Variants in DGKH observed in about 807,000 individuals in gnomAD.
DGKH encodes DAG kinase eta.
A neutral mutation model predicts 159.3 loss-of-function variants in DGKH; 90 were observed. The observed-to-expected ratio is 0.57, with a 90% CI of 0.48 to 0.67. The LOEUF (loss-of-function observed/expected upper bound fraction) is 0.67, where lower values mean the gene tolerates loss of function less well. Ranked by LOEUF, DGKH falls within the 30% of genes least tolerant of loss-of-function variation. The pLI is 0.00. For synonymous variants in DGKH, 536 were observed against 553.8 expected (o/e 0.97, Z 0.45); for missense variants, 1,181 against 1,506.1 (o/e 0.78, Z 3.57).
intron 6 of DGKH, 65 bp from the exon 7 acceptor site, chr13:42,159,946 C>G: frequency 6.2e-7 from 1 of 1,610,676 alleles, no homozygotes; most frequent in Non-Finnish European, 8.5e-7. Context: ...GATTCAAAAT[C>G]TCCCCTGGGG....
intron 23 of DGKH, 78 bp downstream of exon 23, chr13:42,209,543 G>T: frequency 7.2e-7 from 1 of 1,398,218 alleles, no homozygotes; most frequent in Non-Finnish European, 9.5e-7. Context: ...AATAGAAAAT[G>T]AAAACATTTA....
At chr13:42,112,141 G>C (rs1405650073) in intron 1 of DGKH, among the ~76,000 whole-genome samples, 1 of 152,116 alleles carries the variant, frequency 6.6e-6, no homozygotes, top group Non-Finnish European at 1.5e-5. Context: ...TACTTCTAGT[G>C]AAATTAAAAA....
At chr13:42,141,842 G>T (rs954189943) in intron 3 of DGKH, among the ~76,000 whole-genome samples, 2 of 151,874 alleles carry the variant, frequency 1.3e-5, no homozygotes, top group East Asian at 1.9e-4. Flanking sequence ...CCATTCTGTA[G>T]GTTGCCTGTT....
At chr13:42,157,486 T>C (rs1000896779) in intron 5 of DGKH, among the ~76,000 whole-genome samples, 1 of 152,202 alleles carries the variant, frequency 6.6e-6, no homozygotes, top group South Asian at 2.1e-4. Flanking sequence ...TAAAAGTCTT[T>C]AAATAAATTT....
rs963565665 is a variant in DGKH at position 42,116,558 on chromosome 13, G to A, written c.193-10905G>A. On this transcript the variant is annotated intron_variant, in intron 1 of 29. Coordinates refer to ENST00000337343, the MANE Select transcript of DGKH (RefSeq NM_178009.5). Reference sequence around the variant, plus strand: ...TAACACTCCTCTAAAAGCCAGCATCGCATATGAAAGTGTATACCTACTGGA... The same window carrying A: ...TAACACTCCTCTAAAAGCCAGCATCACATATGAAAGTGTATACCTACTGGA... Among the ~76,000 whole-genome samples the A allele has an allele frequency of 5.3e-5, 8 of 152,250 alleles. No individual in the cohort carries two copies. The East Asian group carries it at 9.7e-4, about 18-fold the overall frequency.
chr13:42,209,607 T>C, intron 23 of DGKH, 142 bp downstream of exon 23: 2 of 1,045,934 alleles, frequency 1.9e-6, no homozygotes, highest in East Asian at 2.9e-5. Context: ...TATGAACAAA[T>C]ATTTATTTAT....
At chr13:42,080,108 T>C (rs192694024) in intron 1 of DGKH, among the ~76,000 whole-genome samples, 76 of 152,360 alleles carry the variant, frequency 5.0e-4, no homozygotes, top group African/African-American at 1.7e-3. Flanking sequence ...TAATTTAATG[T>C]CTTTGTTTTC....
At chr13:42,226,535 T>C (rs1372380037) in intron 29 of DGKH, among the ~76,000 whole-genome samples, 1 of 151,938 alleles carries the variant, frequency 6.6e-6, no homozygotes, top group African/African-American at 2.4e-5. Context: ...AGCAAAGACA[T>C]GGAATCAACC....
intron 29 of DGKH, among the ~76,000 whole-genome samples, chr13:42,249,855 G>C (rs905066522): frequency 3.3e-5 from 5 of 152,148 alleles, no homozygotes; most frequent in Non-Finnish European, 7.4e-5. Context: ...CTTGGGAAGG[G>C]GTTTGGGACA....
At chr13:42,187,954 A>G (rs751056173) in intron 14 of DGKH, among the ~76,000 whole-genome samples, 12 of 152,206 alleles carry the variant, frequency 7.9e-5, no homozygotes, top group Non-Finnish European at 1.6e-4. Flanking sequence ...CTTTGCTTTC[A>G]TTGGTTCACA....
intron 1 of DGKH, among the ~76,000 whole-genome samples, chr13:42,065,526 G>A (rs1187115549): frequency 2.0e-5 from 3 of 152,194 alleles, no homozygotes; most frequent in African/African-American, 7.2e-5. Context: ...ACAAGGGAGT[G>A]GATATAATGA....
chr13:42,209,651 G>T (rs894346327), intron 23 of DGKH, among the ~76,000 whole-genome samples, 186 bp downstream of exon 23: 1 of 152,024 alleles, frequency 6.6e-6, no homozygotes, highest in Non-Finnish European at 1.5e-5. Context: ...AGCCATTTTA[G>T]GTTTACAGAA....
chr13:42,198,703 T>TA, intron 18 of DGKH, 108 bp downstream of exon 18: 2 of 1,000,358 alleles, frequency 2.0e-6, no homozygotes, highest in Non-Finnish European at 3.0e-6. Context: ...TGGTCCCATG[T>TA]AAAAAAAGGA....
intron 13 of DGKH, among the ~76,000 whole-genome samples, chr13:42,178,976 T>C (rs1483291670): frequency 6.6e-6 from 1 of 152,178 alleles, no homozygotes; most frequent in Non-Finnish European, 1.5e-5. Flanking sequence ...AGAAAAAATA[T>C]ACAAATTTTG....
intron 1 of DGKH, among the ~76,000 whole-genome samples, chr13:42,114,532 G>T (rs1954930024): frequency 6.6e-6 from 1 of 152,148 alleles, no homozygotes; most frequent in Non-Finnish European, 1.5e-5. Flanking sequence ...GCTACTCAGG[G>T]AGACAGACAT....
chr13:42,229,308 G>A lies in DGKH; in HGVS notation c.*120G>A. Reference sequence around the variant, plus strand: ...AAGTAAGCACCACTGAAGCACCTCTGTGGCTTGATATTTTGCTGTGGGTGA... The same window carrying A: ...AAGTAAGCACCACTGAAGCACCTCTATGGCTTGATATTTTGCTGTGGGTGA... On this transcript the variant is annotated 3_prime_UTR_variant, in exon 30 of 30. Coordinates refer to ENST00000337343, the MANE Select transcript of DGKH (RefSeq NM_178009.5). The A allele has an allele frequency of 2.4e-6, 2 of 826,196 alleles. No individual in the cohort carries two copies. The highest frequency in any genetic ancestry group is 3.2e-5 in the Admixed American group (1 of 31,126). 51.2% of individuals were successfully genotyped at this position (826,196 alleles called of 1,614,324 possible).
rs149544122 is a variant in DGKH, at chr13:42,200,983, T to TTTTATTTATTTA, written c.2493+1086_2493+1097dup. On this transcript the variant is annotated intron_variant, in intron 20 of 29. Coordinates refer to ENST00000337343, the MANE Select transcript of DGKH (RefSeq NM_178009.5). ...CATGTACCCCGGTTGGCCACATTCT[T>TTTTATTTATTTA]TTTATTTATTTATTTATTTATTTTT... Among the ~76,000 whole-genome samples, 867 of 151,072 alleles carry TTTTATTTATTTA rather than the reference T, an allele frequency of 5.7e-3. 7 individuals are homozygous for TTTTATTTATTTA. Among genetic ancestry groups the TTTTATTTATTTA allele is most frequent in the East Asian group, 0.047 (244 of 5,152 alleles).
In DGKH at chr13:42,178,152, C is replaced by G. The variant is rs35357520; in HGVS notation, c.1470C>G (p.Asp490Glu). ...SEEFYMTIYE[D>E]SVATHLTKIL... ...TTCTTCAGATGACGATTTATGAAGA[C>G]TCAGTTGCAACGCATCTTACAAAAA... The change falls in exon 13 of 30, where the codon GAC (aspartate) becomes GAG (glutamate). Residue 490 changes from aspartate (D) to glutamate (E), a missense_variant. Asp to Glu is a conservative substitution (Grantham distance 45). Around this residue, in one of 5 missense-constraint regions of DGKH, gnomAD observed 369 missense variants for 519.4 expected, o/e 0.71. Coordinates refer to ENST00000337343, the MANE Select transcript of DGKH (RefSeq NM_178009.5). The G allele has an allele frequency of 6.2e-7, 1 of 1,607,662 alleles. No homozygotes were observed. The highest frequency in any genetic ancestry group is 1.7e-5 in the Admixed American group (1 of 59,852).
chr13:42,162,852 G>T (rs1040017456), intron 7 of DGKH, among the ~76,000 whole-genome samples: 6 of 147,528 alleles, frequency 4.1e-5, no homozygotes, highest in African/African-American at 4.9e-5. Flanking sequence ...TTTATTTTGC[G>T]TATGTCTTTT....
Sources: allele counts gnomAD v4.1 joint callset (sites outside exome capture counted in the v4.1 genomes callset), GRCh38; gene constraint gnomAD v4.1.1; regional missense constraint gnomAD v4.1.1; transcripts MANE v1.5; gene names NCBI Gene and HGNC (gene_info 2026-07-23, HGNC 2026-07-21).